The following CEP128 variants were observed in gnomAD, a reference collection of about 807,000 sequenced individuals.
CEP128 encodes centrosomal protein 128kDa.
Under a neutral mutation model 156.7 loss-of-function variants are expected in CEP128, and 132 were observed. That is an observed-to-expected ratio of 0.84 (90% CI 0.73 to 0.97). The LOEUF (loss-of-function observed/expected upper bound fraction) is 0.97. Among genes scored for constraint, CEP128 ranks in the 50% least tolerant of loss-of-function variants. CEP128 has a pLI of 0.00. For synonymous variants in CEP128, 469 were observed against 448.9 expected, an observed-to-expected ratio of 1.04 and a Z score of -0.57; for missense variants, 1,252 against 1,281.9, an observed-to-expected ratio of 0.98 and a Z score of 0.36.
chr14:80,805,582 G>A (rs901548633), intron 13 of CEP128, among the ~76,000 whole-genome samples: 2 of 152,144 alleles, frequency 1.3e-5, no homozygotes, highest in African/African-American at 4.8e-5. Flanking sequence ...AGTTTCACCT[G>A]AAATTTTCAG....
chr14:80,614,918 T>C (rs569849950), intron 19 of CEP128, among the ~76,000 whole-genome samples: 1 of 152,296 alleles, frequency 6.6e-6, no homozygotes, highest in East Asian at 1.9e-4. Context: ...AAAATGCATA[T>C]AGCAAAGGTT....
At chr14:80,599,032 T>C (rs1487227308) in intron 19 of CEP128, among the ~76,000 whole-genome samples, 4 of 152,174 alleles carry the variant, frequency 2.6e-5, no homozygotes, top group Non-Finnish European at 4.4e-5. Flanking sequence ...TGAAGGAGAA[T>C]AGGTAAAATG....
chr14:80,946,332 T>C (rs935454043), upstream of CEP128, among the ~76,000 whole-genome samples: 1 of 72,218 alleles, frequency 1.4e-5, no homozygotes, highest in Non-Finnish European at 2.9e-5. Flanking sequence ...TGCATCATGA[T>C]GATGCCTCAT....
intron 24 of CEP128, among the ~76,000 whole-genome samples, chr14:80,499,438 G>A (rs142862916): frequency 6.6e-6 from 1 of 152,242 alleles, no homozygotes; most frequent in Admixed American, 6.5e-5. Flanking sequence ...TCATTAATCT[G>A]CTTTTCTAAG....
chr14:80,770,649 G>A (rs543262689), intron 16 of CEP128, among the ~76,000 whole-genome samples: 1 of 152,176 alleles, frequency 6.6e-6, no homozygotes, highest in Admixed American at 6.5e-5. Flanking sequence ...TTAAGAAGAT[G>A]GGAATCTTAC....
chr14:80,597,948 T>TAAAAAAA (rs202140927), intron 19 of CEP128, among the ~76,000 whole-genome samples: 2 of 26,616 alleles, frequency 7.5e-5, no homozygotes, highest in Non-Finnish European at 1.4e-4. Context: ...ATTCCTCAGC[T>TAAAAAAA]ACAAAAAAAA....
At chr14:80,950,906 G>GAAAAAAAAAAAAAAA (rs59969729) in intron 2 of CEP128, among the ~76,000 whole-genome samples, 2 of 115,060 alleles carry the variant, frequency 1.7e-5, no homozygotes, top group African/African-American at 3.0e-5. Context: ...TCCCGAGTAA[G>GAAAAAAAAAAAAAAA]AAAAAAAAAA....
chr14:80,931,980 G>C (rs559076692), intron 2 of CEP128, among the ~76,000 whole-genome samples: 1 of 152,138 alleles, frequency 6.6e-6, no homozygotes, highest in Non-Finnish European at 1.5e-5. Context: ...CCCATGTGTC[G>C]TGGGAGAGAC....
intron 19 of CEP128, among the ~76,000 whole-genome samples, chr14:80,715,441 G>A (rs145512518): frequency 1.3e-5 from 2 of 152,250 alleles, no homozygotes; most frequent in African/African-American, 4.8e-5. Context: ...CTATTAGGCC[G>A]TGGGTGAACG....
At chr14:80,673,645 CAA>C (rs4016509) in intron 19 of CEP128, among the ~76,000 whole-genome samples, 8 of 43,962 alleles carry the variant, frequency 1.8e-4, no homozygotes, top group African/African-American at 6.2e-4. Flanking sequence ...GACTCCGTCT[CAA>C]AAAAAAAAAA....
chr14:80,940,982 G>A (rs971311557), intron 1 of CEP128, among the ~76,000 whole-genome samples: 2 of 152,116 alleles, frequency 1.3e-5, no homozygotes, highest in Non-Finnish European at 2.9e-5. Context: ...TTTACCAGAC[G>A]CCTACATAAC....
At chr14:80,715,465 A>C (rs17111032) in intron 19 of CEP128, among the ~76,000 whole-genome samples, 17,993 of 152,214 alleles carry the variant, frequency 0.12, 1,500 homozygotes, top group East Asian at 0.43. Flanking sequence ...ATGCAATTAA[A>C]ATTTTTAAGA....
At position 80,526,850 on chromosome 14, in the gene CEP128, A is replaced by T. The variant is rs763952119; in HGVS notation, c.3072+19T>A. On this transcript the variant is annotated intron_variant, in intron 23 of 24. Coordinates refer to ENST00000555265, the MANE Select transcript of CEP128 (RefSeq NM_152446.5). ...ATGGATACTACTTAAAGACTAAAAA[A>T]GTATATAAAGAAAATTACTTTGAAA... 7.2e-7 allele frequency: 1 copy of T among 1,397,702 alleles called. No individual in the cohort carries two copies. The highest frequency in any genetic ancestry group is 1.2e-5 in the South Asian group (1 of 84,840). The allele number at this position is 1,397,702 out of a possible 1,614,324, so 86.6% of individuals were successfully genotyped here.
Position 80,897,209 on chromosome 14 carries a change from T to A in CEP128, c.573-1419A>T, listed in dbSNP as rs73344031. Among the ~76,000 whole-genome samples, 1,121 of 152,302 alleles carry A rather than the reference T, an allele frequency of 7.4e-3. 16 individuals carry two copies. Among genetic ancestry groups the A allele is most frequent in the African/African-American group, 0.025 (1,024 of 41,554 alleles). On this transcript the variant is annotated intron_variant, in intron 7 of 24. Transcript: ENST00000555265. ...AATATTAGAGCCCCTTTCTTGGCTTTTGTGGTTCTATGCTATCTAGAATTT... is the reference window on the plus strand; with the variant it reads ...AATATTAGAGCCCCTTTCTTGGCTTATGTGGTTCTATGCTATCTAGAATTT...
At chr14:80,830,349 A>G (rs1420596878) in intron 13 of CEP128, 1 of 437,102 alleles carries the variant, frequency 2.3e-6, no homozygotes, top group African/African-American at 2.0e-5. Flanking sequence ...ATATAAAATT[A>G]GGTGCTTTTA....
chr14:80,700,549 G>A (rs986269836), intron 19 of CEP128, among the ~76,000 whole-genome samples: 1 of 149,376 alleles, frequency 6.7e-6, no homozygotes, highest in Admixed American at 6.6e-5. Flanking sequence ...CCATATTTCA[G>A]AGACCATATA....
chr14:80,641,678 A>T (rs1255951191), intron 19 of CEP128, among the ~76,000 whole-genome samples: 1 of 152,224 alleles, frequency 6.6e-6, no homozygotes, highest in East Asian at 1.9e-4. Context: ...TAATATTAAA[A>T]GGTCAAAAAA....
intron 8 of CEP128, among the ~76,000 whole-genome samples, chr14:80,868,540 C>T (rs1398467862): frequency 6.6e-6 from 1 of 151,860 alleles, no homozygotes; most frequent in African/African-American, 2.4e-5. Context: ...CATACCACTA[C>T]AGAAAATTAT....
chr14:80,851,294 T>G (rs1886875710), intron 9 of CEP128, among the ~76,000 whole-genome samples: 1 of 152,100 alleles, frequency 6.6e-6, no homozygotes, highest in Non-Finnish European at 1.5e-5. Context: ...TTATAGTTTG[T>G]GTTAAATGCT....
Sources: allele counts gnomAD v4.1 joint callset (sites outside exome capture counted in the v4.1 genomes callset), GRCh38; gene constraint gnomAD v4.1.1; transcripts MANE v1.5; gene names NCBI Gene and HGNC (gene_info 2026-07-23, HGNC 2026-07-21).